The following ANGPTL3 variants were observed in gnomAD, a reference collection of about 807,000 sequenced individuals.
ANGPTL3 encodes the protein angiopoietin like 3, also known as angiopoietin-related protein 3.
In ANGPTL3, 51 loss-of-function variants were observed where a neutral mutation model predicts 52.7. That is an observed-to-expected ratio of 0.97 (90% CI 0.77 to 1.22). The LOEUF (loss-of-function observed/expected upper bound fraction) is 1.22, where lower values mean the gene tolerates loss of function less well. Ranked by LOEUF, ANGPTL3 falls within the 50% of genes most tolerant of loss-of-function variation. The pLI, the probability that ANGPTL3 is intolerant of heterozygous loss-of-function variation, is 0.00. For missense variants in ANGPTL3, 506 were observed against 520.7 expected (o/e 0.97, Z 0.27); for synonymous variants, 185 against 179.8 (o/e 1.03, Z -0.23).
In ANGPTL3 at chr1:62,597,607, T is replaced by C; in HGVS notation, c.41T>C (p.Val14Ala). The change falls in exon 1 of 7, where the codon GTT (valine) becomes GCT (alanine). Residue 14 changes from valine to alanine, a missense_variant. By Grantham distance (64) the Val-to-Ala change is moderately conservative (BLOSUM62 0). Coordinates refer to ENST00000371129, the MANE Select transcript of ANGPTL3 (RefSeq NM_014495.4). ...CTCCTTCTTTTTATTGTTCCTCTAG[T>C]TATTTCCTCCAGAATTGATCAAGAC... Reference protein sequence around the residue: ...IKLLLFIVPLVISSRIDQDNS... With the variant: ...IKLLLFIVPLAISSRIDQDNS... The C allele has an allele frequency of 7.4e-6, 12 of 1,612,934 alleles. No individual in the cohort carries two copies. The highest frequency in any genetic ancestry group is 1.0e-5 in the Non-Finnish European group (12 of 1,179,338).
chr1:62,601,555 T>TA (rs1650123977), intron 3 of ANGPTL3, among the ~76,000 whole-genome samples: 1 of 151,632 alleles, frequency 6.6e-6, no homozygotes, highest in South Asian at 2.1e-4. Context: ...ACTCTGTCTC[T>TA]AAAAAATAAT....
intron 4 of ANGPTL3, among the ~76,000 whole-genome samples, 168 bp downstream of exon 4, chr1:62,602,050 C>T (rs889517621): frequency 6.6e-6 from 1 of 151,482 alleles, no homozygotes; most frequent in African/African-American, 2.4e-5. Flanking sequence ...TCAATATTCT[C>T]CTTTTCCTCT....
chr1:62,605,598 A>T lies in ANGPTL3; in HGVS notation c.*781A>T, dbSNP rs574808296. 3.3e-5 allele frequency: 5 copies of T among 152,562 alleles called. No homozygotes were observed. The East Asian group carries it at 9.6e-4, about 29-fold the overall frequency. 9.5% of individuals were successfully genotyped at this position (152,562 alleles called of 1,614,324 possible). ...TTGTAAAGGAATCTTGTCAGATTAC[A>T]GTAAGAATGAACATATTTGTGGCAT... is the stretch of plus-strand genomic sequence containing the variant. On this transcript the variant is annotated 3_prime_UTR_variant, in exon 7 of 7. Coordinates refer to ENST00000371129, the MANE Select transcript of ANGPTL3 (RefSeq NM_014495.4).
chr1:62,601,679 CA>C (rs1470221895), intron 3 of ANGPTL3, 89 bp from the exon 4 acceptor site: 2 of 939,434 alleles, frequency 2.1e-6, no homozygotes, highest in Non-Finnish European at 3.3e-6. Context: ...ACATTTGCCA[CA>C]ACTTCATAAA....
chr1:62,597,640 C>G lies in ANGPTL3; in HGVS notation c.74C>G (p.Ser25Ter). 6.2e-7 allele frequency: 1 copy of G among 1,613,174 alleles called. No homozygotes were observed. The highest frequency in any genetic ancestry group is 8.5e-7 in the Non-Finnish European group (1 of 1,179,422). ...TCCAGAATTGATCAAGACAATTCAT[C>G]ATTTGATTCTCTATCTCCAGAGCCA... ...ISSRIDQDNSSFDSLSPEPKS... is the reference protein window; with the variant it reads ...ISSRIDQDNS The change falls in exon 1 of 7, where the codon TCA (serine) becomes TGA (stop). Residue 25 changes from serine to a stop codon, truncating the protein, a stop_gained. Transcript: ENST00000371129. LOFTEE classifies it high-confidence loss of function.
chr1:62,602,016 C>T (rs577719740), intron 4 of ANGPTL3, 134 bp downstream of exon 4: 1 of 618,650 alleles, frequency 1.6e-6, no homozygotes, highest in South Asian at 2.1e-5. Context: ...AAATATAATA[C>T]TTTTACCTTG....
chr1:62,603,522 C>A (rs1171398170), intron 5 of ANGPTL3, among the ~76,000 whole-genome samples: 1 of 151,566 alleles, frequency 6.6e-6, no homozygotes, highest in East Asian at 1.9e-4. Context: ...TACCAAAGGC[C>A]AGGTTTACAT....
In ANGPTL3 at chr1:62,602,341, A is replaced by C; in HGVS notation, c.892A>C (p.Thr298Pro). 6.2e-7 allele frequency: 1 copy of C among 1,611,022 alleles called. No individual in the cohort carries two copies. The highest frequency in any genetic ancestry group is 8.5e-7 in the Non-Finnish European group (1 of 1,177,774). Residue 298 changes from threonine (T) to proline (P), a missense_variant, in exon 5 of 7, where the codon ACG becomes CCG. Transcript: ENST00000371129. Reference protein sequence around the residue: ...RIDGSQNFNETWENYKYGFGR... With the variant: ...RIDGSQNFNEPWENYKYGFGR... ...AGATGGATCACAAAACTTCAATGAA[A>C]CGTGGGAGAACTACAAATATGGTTT...
At chr1:62,598,584 CA>C (rs1649635701) in intron 1 of ANGPTL3, 111 bp from the exon 2 acceptor site, 1 of 685,992 alleles carries the variant, frequency 1.5e-6, no homozygotes, top group Non-Finnish European at 2.6e-6. Context: ...TGCCAATATT[CA>C]TTTTTCAAAT....
rs140155323 is a variant in ANGPTL3, at chr1:62,605,867, C to T, written c.*1050C>T. 3 of 151,952 alleles carry T rather than the reference C, an allele frequency of 2.0e-5. No homozygotes were observed. The highest frequency in any genetic ancestry group is 4.4e-5 in the Non-Finnish European group (3 of 67,896). 9.4% of individuals were successfully genotyped at this position (151,952 alleles called of 1,614,324 possible). On this transcript the variant is annotated 3_prime_UTR_variant, in exon 7 of 7. Transcript: ENST00000371129. The stretch of plus-strand genomic sequence containing the variant: ...TCCCTAAATCCCTAAAGATTAGATA[C>T]AAATTTTTTACCACAGTATCACTTG...
chr1:62,597,896 T>G lies in ANGPTL3; in HGVS notation c.330T>G (p.Asn110Lys). Residue 110 changes from asparagine (N) to lysine (K), a missense_variant, in exon 1 of 7, where the codon AAT (asparagine) becomes AAG (lysine). Physicochemically the swap from Asn to Lys is moderately conservative, Grantham distance 94 (BLOSUM62 0). Transcript: ENST00000371129. ...CTACATATAAACTACAAGTCAAAAATGAAGAGGTAAAGAATATGTCACTTG... is the reference window on the plus strand; with the variant it reads ...CTACATATAAACTACAAGTCAAAAAGGAAGAGGTAAAGAATATGTCACTTG... ...RRTTYKLQVKNEEVKNMSLEL... is the reference protein window; with the variant it reads ...RRTTYKLQVKKEEVKNMSLEL... The G allele has an allele frequency of 6.4e-7, 1 of 1,570,498 alleles. No individual in the cohort carries two copies. The highest frequency in any genetic ancestry group is 8.6e-7 in the Non-Finnish European group (1 of 1,163,012).
At chr1:62,602,971 A>G (rs976551809) in intron 5 of ANGPTL3, among the ~76,000 whole-genome samples, 3 of 151,718 alleles carry the variant, frequency 2.0e-5, no homozygotes, top group Non-Finnish European at 1.5e-5. Context: ...GCACATACAA[A>G]AATCCATGAA....
intron 4 of ANGPTL3, 47 bp downstream of exon 4, chr1:62,601,929 C>T: frequency 1.7e-6 from 2 of 1,178,800 alleles, no homozygotes; most frequent in African/African-American, 1.5e-5. Context: ...TCAACTTACT[C>T]ATTACGTATT....
At chr1:62,603,597 T>C (rs537040389) in intron 5 of ANGPTL3, among the ~76,000 whole-genome samples, 1 of 151,780 alleles carries the variant, frequency 6.6e-6, no homozygotes, top group African/African-American at 2.4e-5. Context: ...CTTGACTGTA[T>C]ATGGATGTTA....
At chr1:62,601,026 C>A in intron 2 of ANGPTL3, 56 bp from the exon 3 acceptor site, 2 of 1,008,198 alleles carry the variant, frequency 2.0e-6, no homozygotes, top group Non-Finnish European at 3.2e-6. Flanking sequence ...ACTCAGATTT[C>A]CCCTAATTGT....
rs1650897448 is a variant in ANGPTL3 at position 62,605,747 on chromosome 1, T to C, written c.*930T>C. ...TTAAACAGCCTGACAAGCATGTATA[T>C]ATGTTTAAAATTCAATAAACAAAGA... On this transcript the variant is annotated 3_prime_UTR_variant, in exon 7 of 7. Transcript: ENST00000371129. The C allele has an allele frequency of 6.6e-6, 1 of 152,388 alleles. No individual in the cohort carries two copies. Among genetic ancestry groups the C allele is most frequent in the Non-Finnish European group, 1.5e-5 (1 of 67,924 alleles). 9.4% of individuals were successfully genotyped at this position (152,388 alleles called of 1,614,324 possible).
Position 62,597,570 on chromosome 1 carries a change from T to A in ANGPTL3, c.4T>A (p.Phe2Ile), listed in dbSNP as rs772988115. 1 of 1,612,500 alleles carries A rather than the reference T, an allele frequency of 6.2e-7. No homozygotes were observed. The highest frequency in any genetic ancestry group is 2.2e-5 in the East Asian group (1 of 44,792). M[F>I]TIKLLLFIVP... ...GAAATTGAAAATCAAGATAAAAATG[T>A]TCACAATTAAGCTCCTTCTTTTTAT... The change falls in exon 1 of 7, where the codon TTC becomes ATC. Residue 2 changes from phenylalanine (F) to isoleucine (I), a missense_variant. Phe to Ile is a conservative substitution (Grantham distance 21). Transcript: ENST00000371129.
chr1:62,602,521 T>C (rs1032502838), intron 5 of ANGPTL3, 141 bp downstream of exon 5: 1 of 707,572 alleles, frequency 1.4e-6, no homozygotes, highest in Non-Finnish European at 2.5e-6. Context: ...ATCAAACAAT[T>C]ACACATTTGT....
chr1:62,603,972 A>C lies in ANGPTL3; in HGVS notation c.935A>C (p.Glu312Ala). The C allele has an allele frequency of 6.2e-7, 1 of 1,612,654 alleles. No homozygotes were observed. The highest frequency in any genetic ancestry group is 1.3e-5 in the African/African-American group (1 of 74,940). Residue 312 changes from glutamate to alanine, a missense_variant, in exon 6 of 7, where the codon GAA (glutamate) becomes GCA (alanine). Glu to Ala is a moderately radical substitution (Grantham distance 107). Transcript: ENST00000371129. ...YKYGFGRLDG[E>A]FWLGLEKIYS... is the part of the protein sequence containing the mutation. ...TTTTTAAAACTTTTCTTTTCAGGAGAATTTTGGTTGGGCCTAGAGAAGATA... is the reference window on the plus strand; with the variant it reads ...TTTTTAAAACTTTTCTTTTCAGGAGCATTTTGGTTGGGCCTAGAGAAGATA...
Sources: gnomAD v4.1 joint callset for allele counts (sites outside exome capture counted in the v4.1 genomes callset) on GRCh38, gnomAD v4.1.1 for gene constraint, MANE v1.5 for transcripts, NCBI Gene and HGNC (gene_info 2026-07-23, HGNC 2026-07-21) for gene names.